Variants in DMRT3 observed in about 807,000 individuals in gnomAD.
DMRT3 encodes doublesex- and mab-3-related transcription factor 3.
DMRT3 carries 29 observed loss-of-function variants against 34.9 expected under a neutral mutation model. The observed-to-expected ratio is 0.83, with a 90% CI of 0.62 to 1.13. The LOEUF is 1.13. Among genes scored for constraint, DMRT3 ranks in the 50% most tolerant of loss-of-function variants. The probability of loss-of-function intolerance (pLI) is 0.00; values close to 1 mark genes in which losing one functional copy is unlikely to be tolerated. For synonymous variants in DMRT3, 350 were observed against 286.0 expected (o/e 1.22, Z -2.26); for missense variants, 772 against 629.1 (o/e 1.23, Z -2.43).
At chr9:989,044 A>G (rs943745575) in intron 1 of DMRT3, among the ~76,000 whole-genome samples, 6 of 152,202 alleles carry the variant, frequency 3.9e-5, no homozygotes, top group African/African-American at 1.4e-4. Flanking sequence ...TAAATTTGCA[A>G]CTGGTTTACT....
chr9:988,252 A>C (rs907272741), intron 1 of DMRT3, among the ~76,000 whole-genome samples: 1 of 150,382 alleles, frequency 6.6e-6, no homozygotes, highest in Non-Finnish European at 1.5e-5. Context: ...CTTATATTTT[A>C]TATTAAAAAA....
rs1820344416 is a variant in DMRT3, at chr9:990,492, TGA to T, written c.910_911del (p.Leu305SerfsTer10). On this transcript the variant is annotated frameshift_variant, in exon 2 of 2. Coordinates refer to ENST00000190165, the MANE Select transcript of DMRT3 (RefSeq NM_021240.4). LOFTEE classifies it high-confidence loss of function. ...GAGCAGAGCGAACTTCCGCAGAACCTGAGAGTCTAGCGTTGCCCTCCAATGGG... is the reference window on the plus strand; with the variant it reads ...GAGCAGAGCGAACTTCCGCAGAACCTGAGTCTAGCGTTGCCCTCCAATGGG... The part of the protein sequence containing the change: ...TGAERTSAEP[E>X]SLALPSNGHI... 3 of 1,614,120 alleles carry T rather than the reference TGA, an allele frequency of 1.9e-6. No homozygotes were observed. The highest frequency in any genetic ancestry group is 1.7e-6 in the Non-Finnish European group (2 of 1,180,016).
In DMRT3 at chr9:977,242, G is replaced by C. The variant is rs769398357; in HGVS notation, c.241G>C (p.Glu81Gln). The C allele has an allele frequency of 3.0e-5, 48 of 1,593,978 alleles. No homozygotes were observed. The highest frequency in any genetic ancestry group is 3.8e-5 in the Non-Finnish European group (44 of 1,170,034). Residue 81 changes from glutamate (E) to glutamine (Q), a missense_variant, in exon 1 of 2, where the codon GAG becomes CAG. Transcript: ENST00000190165. ...QVALRRQQAN[E>Q]SLESLIPDSL... ...GGCGCTGCGCCGGCAGCAGGCCAAC[G>C]AGAGCTTGGAGAGCCTCATCCCCGA...
intron 1 of DMRT3, among the ~76,000 whole-genome samples, chr9:980,678 T>C (rs1364358114): frequency 1.6e-5 from 2 of 122,186 alleles, no homozygotes; most frequent in Non-Finnish European, 3.8e-5. Context: ...GTTCTTCTCA[T>C]ACTCCTTCTC....
chr9:986,096 A>T (rs1820279636), intron 1 of DMRT3, among the ~76,000 whole-genome samples: 1 of 152,208 alleles, frequency 6.6e-6, no homozygotes, highest in African/African-American at 2.4e-5. Context: ...GAAGTGCATG[A>T]TGCACTAGCA....
intron 1 of DMRT3, among the ~76,000 whole-genome samples, chr9:980,881 A>G (rs1049264922): frequency 4.6e-4 from 70 of 152,288 alleles, no homozygotes; most frequent in African/African-American, 1.6e-3. Flanking sequence ...CTTTTCCTCC[A>G]GGGGAGTGTC....
intron 1 of DMRT3, among the ~76,000 whole-genome samples, chr9:978,010 A>G (rs1293429569): frequency 6.6e-6 from 1 of 152,138 alleles, no homozygotes; most frequent in Non-Finnish European, 1.5e-5. Context: ...AACTCTCAGA[A>G]CCCTGGCCTT....
In DMRT3 at chr9:990,454, T is replaced by C. The variant is rs780695329; in HGVS notation, c.868T>C (p.Ser290Pro). 9 of 1,614,132 alleles carry C rather than the reference T, an allele frequency of 5.6e-6. No homozygotes were observed. The highest frequency in any genetic ancestry group is 5.1e-6 in the Non-Finnish European group (6 of 1,180,030). Residue 290 changes from serine to proline, a missense_variant, in exon 2 of 2, where the codon TCC (serine) becomes CCC (proline). By Grantham distance (74) the Ser-to-Pro change is moderately conservative. Transcript: ENST00000190165. ...CGTGGAAGTCCTTCTGTCCAGCCGATCCTCAGTCACGGGAGCAGAGCGAAC... is the reference window on the plus strand; with the variant it reads ...CGTGGAAGTCCTTCTGTCCAGCCGACCCTCAGTCACGGGAGCAGAGCGAAC... Reference protein sequence around the residue: ...SAVEVLLSSRSSVTGAERTSA... With the variant: ...SAVEVLLSSRPSVTGAERTSA...
chr9:980,537 T>A (rs184475621), intron 1 of DMRT3, among the ~76,000 whole-genome samples: 19 of 40,956 alleles, frequency 4.6e-4, no homozygotes, highest in Admixed American at 1.3e-3. Context: ...TTAAGCTATA[T>A]ATATCTATTA....
In DMRT3 at chr9:991,680, A is replaced by G. The variant is rs1820365361; in HGVS notation, c.*675A>G. 1 of 152,674 alleles carries G rather than the reference A, an allele frequency of 6.5e-6. No individual in the cohort carries two copies. The highest frequency in any genetic ancestry group is 2.4e-5 in the African/African-American group (1 of 41,466). 9.5% of individuals were successfully genotyped at this position (152,674 alleles called of 1,614,324 possible). A position where few individuals can be genotyped will look rare whatever the true frequency, so the allele number is the denominator to read the frequency against. On this transcript the variant is annotated 3_prime_UTR_variant, in exon 2 of 2. Coordinates refer to ENST00000190165, the MANE Select transcript of DMRT3 (RefSeq NM_021240.4). ...AACGAACACAAGATTAAGCTTTGTC[A>G]GGTTAATGTAGCATGTTAAGGACTC...
At chr9:981,099 G>A (rs1485712739) in intron 1 of DMRT3, among the ~76,000 whole-genome samples, 2 of 152,100 alleles carry the variant, frequency 1.3e-5, no homozygotes, top group Non-Finnish European at 2.9e-5. Flanking sequence ...TTCTTAGGGG[G>A]TGGGGGCGGA....
intron 1 of DMRT3, among the ~76,000 whole-genome samples, chr9:977,962 C>T (rs913448811): frequency 2.0e-5 from 3 of 152,104 alleles, no homozygotes; most frequent in Non-Finnish European, 4.4e-5. Context: ...CCCGGCCCTG[C>T]CCAGGGCCCA....
At position 990,617 on chromosome 9, in the gene DMRT3, C is replaced by G; in HGVS notation, c.1031C>G (p.Ala344Gly). 2 of 1,614,122 alleles carry G rather than the reference C, an allele frequency of 1.2e-6. No homozygotes were observed. The highest frequency in any genetic ancestry group is 1.7e-6 in the Non-Finnish European group (2 of 1,180,026). Residue 344 changes from alanine to glycine, a missense_variant, in exon 2 of 2, where the codon GCC becomes GGC. Transcript: ENST00000190165. ...GTCCCAGACACGTTGAGGTTTTCTG[C>G]CGACTCTAGCAACGTTGTCCCCAGT... ...FRVPDTLRFSADSSNVVPSPL... is the reference protein window; with the variant it reads ...FRVPDTLRFSGDSSNVVPSPL...
intron 1 of DMRT3, among the ~76,000 whole-genome samples, chr9:979,609 TAA>T (rs879838763): frequency 1.8e-4 from 27 of 151,980 alleles, no homozygotes; most frequent in East Asian, 3.9e-4. Context: ...CCCATTTTTT[TAA>T]AAAAAAGCAA....
At chr9:989,179 G>C (rs1201823146) in intron 1 of DMRT3, among the ~76,000 whole-genome samples, 1 of 152,082 alleles carries the variant, frequency 6.6e-6, no homozygotes, top group Non-Finnish European at 1.5e-5. Flanking sequence ...TCCTTTCCAT[G>C]AACTGTACCA....
chr9:982,982 A>T (rs776414203), intron 1 of DMRT3, among the ~76,000 whole-genome samples: 2 of 152,180 alleles, frequency 1.3e-5, no homozygotes, highest in Non-Finnish European at 2.9e-5. Flanking sequence ...TGGAGGATGC[A>T]GTGATAGGAC....
In DMRT3 at chr9:990,406, T is replaced by C. The variant is rs765568118; in HGVS notation, c.820T>C (p.Cys274Arg). ...GGTGCTTGAGCTCATCCTCAAGGGC[T>C]GTGGCGGGGACCTGGTGAGCGCCGT... ...PTVLELILKG[C>R]GGDLVSAVEV... The change falls in exon 2 of 2, where the codon TGT becomes CGT. Residue 274 changes from cysteine (C) to arginine (R), a missense_variant. Cys to Arg is a radical substitution (Grantham distance 180). Coordinates refer to ENST00000190165, the MANE Select transcript of DMRT3 (RefSeq NM_021240.4). 2.5e-6 allele frequency: 4 copies of C among 1,614,094 alleles called. No individual in the cohort carries two copies. Among genetic ancestry groups the C allele is most frequent in the Non-Finnish European group, 3.4e-6 (4 of 1,180,030 alleles).
chr9:986,940 C>T (rs192845974), intron 1 of DMRT3, among the ~76,000 whole-genome samples: 10 of 150,808 alleles, frequency 6.6e-5, no homozygotes, highest in East Asian at 5.8e-4. Context: ...TGCCTATGTA[C>T]GCTTTATTCC....
chr9:984,644 G>A (rs2130066325), intron 1 of DMRT3, among the ~76,000 whole-genome samples: 1 of 152,016 alleles, frequency 6.6e-6, no homozygotes, highest in Admixed American at 6.6e-5. Context: ...ATTTTTAGTA[G>A]AGATGAGGTT....
Sources: gnomAD v4.1 joint callset for allele counts (sites outside exome capture counted in the v4.1 genomes callset) on GRCh38, gnomAD v4.1.1 for gene constraint, MANE v1.5 for transcripts, NCBI Gene and HGNC (gene_info 2026-07-23, HGNC 2026-07-21) for gene names.